Variants in GRIA3 observed in about 807,000 individuals in gnomAD.
The protein encoded by GRIA3 is glutamate receptor 3.
A neutral mutation model predicts 63.0 loss-of-function variants in GRIA3; 3 were observed. That is an observed-to-expected ratio of 0.05 (90% CI 0.02 to 0.12). The LOEUF is 0.12. GRIA3 is among the 10% of genes least tolerant of loss of function. The probability of loss-of-function intolerance (pLI) is 1.00; values close to 1 mark genes in which losing one functional copy is unlikely to be tolerated. For synonymous variants in GRIA3, 274 were observed against 257.9 expected (o/e 1.06, Z -0.60); for missense variants, 347 against 700.9 (o/e 0.50, Z 5.70).
At chrX:123,284,901 C>T (rs772726638) in intron 3 of GRIA3, among the ~76,000 whole-genome samples, 12 of 108,432 alleles carry the variant, frequency 1.1e-4, no homozygotes, top group African/African-American at 4.0e-4. Context: ...ATACAGAGAA[C>T]ACCACAAAGA....
intron 3 of GRIA3, among the ~76,000 whole-genome samples, chrX:123,323,276 C>T (rs2044879796): frequency 9.0e-6 from 1 of 111,310 alleles, no homozygotes; most frequent in Non-Finnish European, 1.9e-5. Flanking sequence ...AACATAAATG[C>T]CATTTTACAG....
chrX:123,207,229 C>T (rs952305272), intron 2 of GRIA3, among the ~76,000 whole-genome samples: 1 of 111,263 alleles, frequency 9.0e-6, no homozygotes, highest in Non-Finnish European at 1.9e-5. Flanking sequence ...GAAGACCACA[C>T]CTTTCATTTT....
rs894991429 is a variant in GRIA3, at chrX:123,468,891, C to T, written c.2324+3779C>T. 3.5e-5 allele frequency among the ~76,000 whole-genome samples: 4 copies of T among 112,700 alleles called. No homozygotes were observed. The Admixed American group carries it at 3.8e-4, about 11-fold the overall frequency. On this transcript the variant is annotated intron_variant, in intron 13 of 15. Coordinates refer to ENST00000620443, the MANE Select transcript of GRIA3 (RefSeq NM_007325.5). ...TCACACAGCTAATGCTGTCATAAAT[C>T]TCTGCTGACTTTCAGAGTCACCTCT...
chrX:123,184,972 C>T (rs887104303), intron 1 of GRIA3: 12 of 382,549 alleles, frequency 3.1e-5, no homozygotes, highest in African/African-American at 2.8e-4. Context: ...CGAGGCTTTT[C>T]GGCTCGCTGC....
chrX:123,184,368 G>A lies in GRIA3; in HGVS notation c.-168G>A. ...AAGAAGAGGAAGAAGAGGAGGCGGC[G>A]GCAGCGGAGGAGGAGGAGGACTAGT... On this transcript the variant is annotated 5_prime_UTR_variant, in exon 1 of 16. Transcript: ENST00000620443. 4.1e-6 allele frequency: 2 copies of A among 492,789 alleles called. No individual in the cohort carries two copies. The highest frequency in any genetic ancestry group is 2.9e-5 in the South Asian group (1 of 34,767). 40.6% of individuals were successfully genotyped at this position (492,789 alleles called of 1,213,427 possible).
chrX:123,217,366 CAA>C (rs1354804213), intron 2 of GRIA3, among the ~76,000 whole-genome samples: 6 of 111,727 alleles, frequency 5.4e-5, no homozygotes, highest in Non-Finnish European at 7.5e-5. Flanking sequence ...AACAGACAGA[CAA>C]ACTCCCTGTC....
At chrX:123,340,242 C>T (rs1603101019) in intron 4 of GRIA3, among the ~76,000 whole-genome samples, 1 of 112,776 alleles carries the variant, frequency 8.9e-6, no homozygotes, top group Admixed American at 9.4e-5. Flanking sequence ...CACATGAAAG[C>T]ATACTAAACC....
chrX:123,425,359 A>T (rs1159018312), intron 11 of GRIA3, among the ~76,000 whole-genome samples: 5 of 112,022 alleles, frequency 4.5e-5, no homozygotes, highest in African/African-American at 1.6e-4. Flanking sequence ...ATAGGGATAG[A>T]GAATTAAAAT....
At chrX:123,184,682 C>T in intron 1 of GRIA3, 38 bp downstream of exon 1, 1 of 990,966 alleles carries the variant, frequency 1.0e-6, no homozygotes, top group East Asian at 3.0e-5. Flanking sequence ...CCAGGCTCTC[C>T]CTCACCCGAG....
intron 4 of GRIA3, among the ~76,000 whole-genome samples, chrX:123,343,593 C>CAGAGAGAG (rs746329134): frequency 9.7e-6 from 1 of 102,706 alleles, no homozygotes; most frequent in African/African-American, 3.6e-5. Context: ...GAGAGAAAGA[C>CAGAGAGAG]AGAGAGAGAG....
At chrX:123,364,167 A>C (rs1296737021) in intron 5 of GRIA3, among the ~76,000 whole-genome samples, 2 of 112,424 alleles carry the variant, frequency 1.8e-5, no homozygotes, top group East Asian at 5.5e-4. Flanking sequence ...TAATTATTAA[A>C]ATCCTTATGA....
intron 3 of GRIA3, among the ~76,000 whole-genome samples, chrX:123,310,573 T>C (rs2044783149): frequency 8.8e-6 from 1 of 113,316 alleles, no homozygotes; most frequent in Non-Finnish European, 1.9e-5. Context: ...AGTGTTAATT[T>C]CCAAGTGAAA....
chrX:123,381,776 A>G (rs2045325632), intron 5 of GRIA3, among the ~76,000 whole-genome samples: 1 of 112,267 alleles, frequency 8.9e-6, no homozygotes, highest in South Asian at 3.7e-4. Flanking sequence ...ATACAAAAGG[A>G]AAAGTCTTTA....
chrX:123,326,042 A>G lies in GRIA3; in HGVS notation c.525A>G (p.Gln175=), dbSNP rs934035646. Residue 175 remains glutamine (Q), a synonymous_variant, in exon 4 of 16, where the codon CAA becomes CAG. Transcript: ENST00000620443. ...TTCCTTCAGGATTTTCCATCCTCCA[A>G]GCGATTATGGAAGCAGCAGTGCAAA... The part of the protein sequence containing the change: ...YDTERGFSIL[Q]AIMEAAVQNN... 2.5e-6 allele frequency: 3 copies of G among 1,205,549 alleles called. No homozygotes were observed. Among genetic ancestry groups the G allele is most frequent in the Non-Finnish European group, 3.4e-6 (3 of 891,478 alleles).
intron 3 of GRIA3, among the ~76,000 whole-genome samples, chrX:123,283,388 G>A (rs753705755): frequency 5.4e-5 from 6 of 111,135 alleles, no homozygotes; most frequent in East Asian, 2.9e-4. Flanking sequence ...GAATGCCAGC[G>A]AGACAGAACC....
chrX:123,391,829 A>C (rs1160670310), intron 5 of GRIA3, among the ~76,000 whole-genome samples: 2 of 112,385 alleles, frequency 1.8e-5, no homozygotes, highest in Non-Finnish European at 3.8e-5. Context: ...GCCTGTAGGT[A>C]GCACATGCAG....
At chrX:123,443,755 T>G (rs1471832969) in intron 12 of GRIA3, among the ~76,000 whole-genome samples, 1 of 111,488 alleles carries the variant, frequency 9.0e-6, no homozygotes, top group African/African-American at 3.3e-5. Flanking sequence ...CCATAGATAT[T>G]AGTCAGCATG....
rs2044309683 is a variant in GRIA3 at position 123,237,876 on chromosome X, A to G, written c.269-15427A>G. Among the ~76,000 whole-genome samples, 4 of 111,413 alleles carry G rather than the reference A, an allele frequency of 3.6e-5. No homozygotes were observed. In the South Asian group the frequency reaches 1.5e-3, roughly 41 times the overall value. On this transcript the variant is annotated intron_variant, in intron 2 of 15. Coordinates refer to ENST00000620443, the MANE Select transcript of GRIA3 (RefSeq NM_007325.5). ...GCAAGTTAGGTACTTTGGGAGACAC[A>G]GTTTTACTTTCAAGCCACTGAAGGA...
At chrX:123,483,161 C>A in intron 15 of GRIA3, 115 bp downstream of exon 15, 1 of 610,481 alleles carries the variant, frequency 1.6e-6, no homozygotes, top group Non-Finnish European at 2.6e-6. Context: ...TGTCTCTTTG[C>A]AACCATTTGA....
Sources: gnomAD v4.1 joint callset for allele counts (sites outside exome capture counted in the v4.1 genomes callset) on GRCh38, gnomAD v4.1.1 for gene constraint, MANE v1.5 for transcripts, NCBI Gene and HGNC (gene_info 2026-07-23, HGNC 2026-07-21) for gene names.